The following CDC123 variants were observed in gnomAD, a reference collection of about 807,000 sequenced individuals.
CDC123 encodes translation initiation factor eIF2 assembly protein.
Under a neutral mutation model 54.4 loss-of-function variants are expected in CDC123, and 37 were observed. That is an observed-to-expected ratio of 0.68 (90% CI 0.52 to 0.89). CDC123 has a LOEUF of 0.89. Ranked by LOEUF, CDC123 falls within the 40% of genes least tolerant of loss-of-function variation. CDC123 has a pLI of 0.00. For synonymous variants in CDC123, 144 were observed against 136.8 expected (o/e 1.05, Z -0.37); for missense variants, 361 against 412.1 (o/e 0.88, Z 1.07).
chr10:12,238,384 T>C, intron 9 of CDC123, 73 bp from the exon 10 acceptor site: 3 of 1,527,868 alleles, frequency 2.0e-6, no homozygotes, highest in East Asian at 4.6e-5. Flanking sequence ...TAAAATGTAC[T>C]TTAATTTTCA....
chr10:12,232,618 T>TC (rs1472392970), intron 7 of CDC123, among the ~76,000 whole-genome samples: 2 of 152,138 alleles, frequency 1.3e-5, no homozygotes, highest in Non-Finnish European at 2.9e-5. Flanking sequence ...TGAGATTTTT[T>TC]CCCCTCACTT....
At chr10:12,212,092 A>T (rs935631462) in intron 4 of CDC123, among the ~76,000 whole-genome samples, 2 of 143,614 alleles carry the variant, frequency 1.4e-5, no homozygotes, top group African/African-American at 6.0e-5. Flanking sequence ...CGTCTCAAAA[A>T]ATAAAATAAA....
intron 4 of CDC123, among the ~76,000 whole-genome samples, chr10:12,213,812 G>A (rs1233142766): frequency 2.0e-5 from 3 of 152,184 alleles, no homozygotes; most frequent in Non-Finnish European, 4.4e-5. Context: ...CAGGAATATT[G>A]AAATGAGTAT....
At chr10:12,248,463 G>A (rs1836189600) in intron 11 of CDC123, among the ~76,000 whole-genome samples, 1 of 150,042 alleles carries the variant, frequency 6.7e-6, no homozygotes, top group Non-Finnish European at 1.5e-5. Context: ...AGTGAGCCAA[G>A]ATCACGCCAT....
At chr10:12,238,387 A>G in intron 9 of CDC123, 70 bp from the exon 10 acceptor site, 1 of 1,533,264 alleles carries the variant, frequency 6.5e-7, no homozygotes, top group Non-Finnish European at 8.9e-7. Flanking sequence ...AATGTACTTT[A>G]ATTTTCAAAA....
At chr10:12,225,040 G>T (rs1835788821) in intron 6 of CDC123, among the ~76,000 whole-genome samples, 1 of 152,118 alleles carries the variant, frequency 6.6e-6, no homozygotes, top group Admixed American at 6.5e-5. Context: ...GGCATATCCT[G>T]GCGCTTTTCC....
intron 2 of CDC123, 34 bp from the exon 3 acceptor site, chr10:12,209,927 AAGTCCT>A: frequency 6.2e-7 from 1 of 1,602,980 alleles, no homozygotes; most frequent in Non-Finnish European, 8.5e-7. Context: ...TGCGGTGCCC[AAGTCCT>A]TTTCTTTCTT....
intron 11 of CDC123, 131 bp from the exon 12 acceptor site, chr10:12,249,450 C>T (rs1396450663): frequency 8.5e-6 from 8 of 943,562 alleles, no homozygotes; most frequent in Non-Finnish European, 1.6e-6. Flanking sequence ...ACTTAAGCAT[C>T]TTCCTTTCTC....
chr10:12,200,901 C>G (rs572990225), intron 2 of CDC123, among the ~76,000 whole-genome samples: 1 of 151,902 alleles, frequency 6.6e-6, no homozygotes, highest in South Asian at 2.1e-4. Flanking sequence ...CCATTGCGCT[C>G]CAGCCTGGAC....
At chr10:12,209,937 C>G (rs1835574914) in intron 2 of CDC123, 30 bp from the exon 3 acceptor site, 2 of 1,612,440 alleles carry the variant, frequency 1.2e-6, no homozygotes, top group Non-Finnish European at 1.7e-6. Flanking sequence ...AAGTCCTTTT[C>G]TTTCTTGATG....
At chr10:12,249,530 G>GT in intron 11 of CDC123, 51 bp from the exon 12 acceptor site, 1 of 1,575,250 alleles carries the variant, frequency 6.3e-7, no homozygotes, top group Non-Finnish European at 8.7e-7. Context: ...TCACAGAATA[G>GT]GCCTAAAAAT....
chr10:12,206,767 G>A (rs546798984), intron 2 of CDC123, among the ~76,000 whole-genome samples: 1 of 152,160 alleles, frequency 6.6e-6, no homozygotes, highest in South Asian at 2.1e-4. Context: ...GACCATCCTG[G>A]CCAACACGGT....
At chr10:12,238,574 C>G (rs1195699636) in intron 10 of CDC123, 89 bp downstream of exon 10, 1 of 1,476,884 alleles carries the variant, frequency 6.8e-7, no homozygotes, top group African/African-American at 1.4e-5. Context: ...TGTGAAGGAT[C>G]CATGCTCAAA....
intron 10 of CDC123, among the ~76,000 whole-genome samples, chr10:12,240,248 A>G (rs1836039193): frequency 1.3e-5 from 2 of 152,202 alleles, no homozygotes; most frequent in African/African-American, 4.8e-5. Context: ...CTTTATTAAG[A>G]AGTTTAGGTC....
intron 11 of CDC123, 148 bp from the exon 12 acceptor site, chr10:12,249,433 C>T: frequency 1.2e-6 from 1 of 817,886 alleles, no homozygotes; most frequent in African/African-American, 1.7e-5. Flanking sequence ...GTGCCCGGCT[C>T]ATTTTAACTT....
intron 8 of CDC123, among the ~76,000 whole-genome samples, chr10:12,236,889 TCAAAACAAAACAAAA>T (rs112365247): frequency 1.5e-4 from 23 of 150,302 alleles, no homozygotes; most frequent in African/African-American, 2.9e-4. Context: ...AGACTCCGTC[TCAAAACAAAACAAAA>T]CAAAACAAAA....
intron 7 of CDC123, among the ~76,000 whole-genome samples, chr10:12,232,950 G>A (rs982925738): frequency 6.6e-6 from 1 of 151,788 alleles, no homozygotes; most frequent in Non-Finnish European, 1.5e-5. Flanking sequence ...TAGTGGAGAC[G>A]GGGTTTCACT....
chr10:12,219,287 A>G (rs1835702228), intron 6 of CDC123, among the ~76,000 whole-genome samples: 2 of 152,166 alleles, frequency 1.3e-5, no homozygotes, highest in Admixed American at 1.3e-4. Flanking sequence ...TGTTTATTGT[A>G]TAAGGATTTT....
At chr10:12,226,892 G>A (rs1174509595) in intron 6 of CDC123, among the ~76,000 whole-genome samples, 2 of 152,180 alleles carry the variant, frequency 1.3e-5, no homozygotes, top group Non-Finnish European at 2.9e-5. Flanking sequence ...CACTTTGGGA[G>A]GCGAAGGCAG....
Sources: gnomAD v4.1 joint callset for allele counts (sites outside exome capture counted in the v4.1 genomes callset) on GRCh38, gnomAD v4.1.1 for gene constraint, MANE v1.5 for transcripts, NCBI Gene and HGNC (gene_info 2026-07-23, HGNC 2026-07-21) for gene names.